The following TBC1D31 variants were observed in gnomAD, a reference collection of about 807,000 sequenced individuals.
TBC1D31 encodes the protein WD repeat domain 67.
Under a neutral mutation model 132.9 loss-of-function variants are expected in TBC1D31, and 99 were observed. The ratio of observed to expected loss-of-function variants is 0.74; its 90% CI spans 0.63 to 0.88. The LOEUF is 0.88. Among genes scored for constraint, TBC1D31 ranks in the 40% least tolerant of loss-of-function variants. The pLI, the probability that TBC1D31 is intolerant of heterozygous loss-of-function variation, is 0.00. For missense variants in TBC1D31, 1,134 were observed against 1,256.6 expected (o/e 0.90, Z 1.48); for synonymous variants, 385 against 419.4 (o/e 0.92, Z 1.00).
intron 4 of TBC1D31, among the ~76,000 whole-genome samples, chr8:123,090,477 G>C (rs982305628): frequency 5.3e-5 from 8 of 152,106 alleles, no homozygotes; most frequent in African/African-American, 1.9e-4. Flanking sequence ...TGGTTCAGCA[G>C]GTATCAGAAA....
chr8:123,135,332 T>C (rs1284329861), intron 17 of TBC1D31, among the ~76,000 whole-genome samples: 1 of 152,194 alleles, frequency 6.6e-6, no homozygotes, highest in African/African-American at 2.4e-5. Context: ...AGGAAAAATG[T>C]TTTGTTACTC....
At chr8:123,117,519 C>T (rs1286618221) in intron 10 of TBC1D31, among the ~76,000 whole-genome samples, 1 of 151,598 alleles carries the variant, frequency 6.6e-6, no homozygotes, top group Non-Finnish European at 1.5e-5. Context: ...CTTTGGGAGG[C>T]CGAGACGGGC....
chr8:123,133,835 C>T (rs1189101631), intron 16 of TBC1D31, among the ~76,000 whole-genome samples: 3 of 152,188 alleles, frequency 2.0e-5, no homozygotes, highest in African/African-American at 7.2e-5. Context: ...ATATTGGTTA[C>T]TGTAATACTG....
At position 123,097,347 on chromosome 8, in the gene TBC1D31, G is replaced by C; in HGVS notation, c.737G>C (p.Arg246Thr). Reference protein sequence around the residue: ...NHLHLWCLEARQLFRIIQMPT... With the variant: ...NHLHLWCLEATQLFRIIQMPT... ...CTTCATTTGTGGTGCTTGGAAGCTAGGCAGCTCTTTAGAATTATCCAGATG... is the reference window on the plus strand; with the variant it reads ...CTTCATTTGTGGTGCTTGGAAGCTACGCAGCTCTTTAGAATTATCCAGATG... The change falls in exon 6 of 22, where the codon AGG (arginine) becomes ACG (threonine). Residue 246 changes from arginine (R) to threonine (T), a missense_variant. By Grantham distance (71) the Arg-to-Thr change is moderately conservative. Coordinates refer to ENST00000287380, the MANE Select transcript of TBC1D31 (RefSeq NM_145647.4). 6.2e-7 allele frequency: 1 copy of C among 1,614,122 alleles called. No homozygotes were observed. The highest frequency in any genetic ancestry group is 8.5e-7 in the Non-Finnish European group (1 of 1,180,024).
chr8:123,125,926 A>G, intron 11 of TBC1D31, 130 bp from the exon 12 acceptor site: 1 of 674,352 alleles, frequency 1.5e-6, no homozygotes, highest in East Asian at 3.3e-5. Flanking sequence ...GTCATACAAT[A>G]TAAAGAGTTT....
chr8:123,105,230 C>T, intron 7 of TBC1D31, 58 bp from the exon 8 acceptor site: 3 of 1,258,158 alleles, frequency 2.4e-6, no homozygotes, highest in Non-Finnish European at 3.1e-6. Flanking sequence ...CATACATTAA[C>T]AGGCCTGTCT....
At chr8:123,146,960 C>T (rs62521805) in intron 20 of TBC1D31, among the ~76,000 whole-genome samples, 12,268 of 151,970 alleles carry the variant, frequency 0.081, 531 homozygotes, top group Non-Finnish European at 0.092. Flanking sequence ...TATACCTCAC[C>T]CGGCCAAATC....
In TBC1D31 at chr8:123,124,186, C is replaced by T. The variant is rs1435471877; in HGVS notation, c.1571-1870C>T. ...CACTAGCACTGCTGGGATATGCCAT[C>T]GTTTTGGCTTTTAGGTTTGTAGTCT... On this transcript the variant is annotated intron_variant, in intron 11 of 21. Coordinates refer to ENST00000287380, the MANE Select transcript of TBC1D31 (RefSeq NM_145647.4). Among the ~76,000 whole-genome samples the T allele has an allele frequency of 7.2e-5, 11 of 152,076 alleles. No individual in the cohort carries two copies. In the South Asian group the frequency reaches 1.7e-3, roughly 23 times the overall value.
At chr8:123,117,511 T>C (rs2130658951) in intron 10 of TBC1D31, among the ~76,000 whole-genome samples, 1 of 151,874 alleles carries the variant, frequency 6.6e-6, no homozygotes, top group South Asian at 2.1e-4. Flanking sequence ...TCCCAGCACT[T>C]TGGGAGGCCG....
chr8:123,100,999 A>G lies in TBC1D31; in HGVS notation c.1024A>G (p.Ile342Val), dbSNP rs770366885. The G allele has an allele frequency of 6.2e-7, 1 of 1,607,620 alleles. No homozygotes were observed. The highest frequency in any genetic ancestry group is 1.3e-5 in the African/African-American group (1 of 74,912). Residue 342 changes from isoleucine to valine, a missense_variant, in exon 7 of 22, where the codon ATA (isoleucine) becomes GTA (valine). By Grantham distance (29) the Ile-to-Val change is conservative. Coordinates refer to ENST00000287380, the MANE Select transcript of TBC1D31 (RefSeq NM_145647.4). ...IYSVQALTQE[I>V]NKPPPPLVKV... ...TTCAGTTCAGGCTTTAACACAAGAAATAAATAAGGTATGTATGATGAAGTA... is the reference window on the plus strand; with the variant it reads ...TTCAGTTCAGGCTTTAACACAAGAAGTAAATAAGGTATGTATGATGAAGTA...
intron 16 of TBC1D31, among the ~76,000 whole-genome samples, chr8:123,132,403 C>CTTTTTTTT (rs34901750): frequency 1.4e-4 from 8 of 55,442 alleles, no homozygotes; most frequent in Non-Finnish European, 2.1e-4. Context: ...TTTTTTAAGT[C>CTTTTTTTT]TTTTTTTTTT....
intron 20 of TBC1D31, among the ~76,000 whole-genome samples, chr8:123,149,305 G>A (rs1822556436): frequency 6.6e-6 from 1 of 152,156 alleles, no homozygotes; most frequent in South Asian, 2.1e-4. Context: ...AAACTATGAG[G>A]TAAAACCATT....
At chr8:123,110,355 G>A (rs149376026) in intron 10 of TBC1D31, among the ~76,000 whole-genome samples, 241 of 152,250 alleles carry the variant, frequency 1.6e-3, no homozygotes, top group African/African-American at 5.2e-3. Flanking sequence ...AATAATAACA[G>A]TAGCTCATCC....
the TBC1D31 span, among the ~76,000 whole-genome samples, chr8:123,162,304 CTG>C: frequency 8.0e-5 from 12 of 150,182 alleles, no homozygotes; most frequent in African/African-American, 1.5e-4. Context: ...GAAAGTGTAT[CTG>C]TGTGTGTGTG....
chr8:123,120,665 C>A (rs897977980), intron 11 of TBC1D31, among the ~76,000 whole-genome samples: 1 of 151,990 alleles, frequency 6.6e-6, no homozygotes, highest in African/African-American at 2.4e-5. Context: ...CAGAGCAAGA[C>A]CCCGTCTCAA....
the TBC1D31 span, among the ~76,000 whole-genome samples, chr8:123,160,559 C>T: frequency 6.6e-6 from 1 of 152,088 alleles, no homozygotes; most frequent in Non-Finnish European, 1.5e-5. Context: ...GGCCCACTCT[C>T]CCGGCGACCT....
At chr8:123,092,442 T>C (rs1816417415) in intron 4 of TBC1D31, among the ~76,000 whole-genome samples, 2 of 152,206 alleles carry the variant, frequency 1.3e-5, no homozygotes, top group Admixed American at 6.5e-5. Context: ...TGCCTTTTTT[T>C]ACTCTATATA....
rs796777266 is a variant in TBC1D31, at chr8:123,126,740, TA to T, written c.1884+54del. Reference sequence around the variant, plus strand: ...TTCTCAAATATCAGTTATTTCTCTCTATTTTTTTTTTAATTTTTTGAGACAG... The same window carrying T: ...TTCTCAAATATCAGTTATTTCTCTCTTTTTTTTTTTAATTTTTTGAGACAG... On this transcript the variant is annotated intron_variant, in intron 13 of 21. Transcript: ENST00000287380. The T allele has an allele frequency of 6.7e-6, 10 of 1,485,152 alleles. No homozygotes were observed. The African/African-American group carries it at 1.4e-4, about 21-fold the overall frequency. The allele number at this position is 1,485,152 out of a possible 1,614,324, so 92.0% of individuals were successfully genotyped here.
downstream of TBC1D31, among the ~76,000 whole-genome samples, chr8:123,153,432 GA>G (rs1326559245): frequency 4.6e-5 from 7 of 151,962 alleles, no homozygotes; most frequent in African/African-American, 1.7e-4. Context: ...GTTAATTTTT[GA>G]AAAAAGTTCC....
Sources: gnomAD v4.1 joint callset for allele counts (sites outside exome capture counted in the v4.1 genomes callset) on GRCh38, gnomAD v4.1.1 for gene constraint, MANE v1.5 for transcripts, NCBI Gene and HGNC (gene_info 2026-07-23, HGNC 2026-07-21) for gene names.